Variants in GRIN2C observed in about 807,000 individuals in gnomAD.
The protein encoded by GRIN2C is glutamate receptor ionotropic, NMDA 2C.
A neutral mutation model predicts 77.7 loss-of-function variants in GRIN2C; 64 were observed. The ratio of observed to expected loss-of-function variants is 0.82; its 90% confidence interval spans 0.67 to 1.01. The LOEUF (loss-of-function observed/expected upper bound fraction) is 1.01. Among genes scored for constraint, GRIN2C ranks in the 50% least tolerant of loss-of-function variants. The pLI is 0.00. For missense variants in GRIN2C, 1,549 were observed against 1,486.0 expected, an observed-to-expected ratio of 1.04 and a Z score of -0.70; for synonymous variants, 792 against 643.4, an observed-to-expected ratio of 1.23 and a Z score of -3.49.
intron 12 of GRIN2C, 90 bp from the exon 13 acceptor site, chr17:74,843,643 A>G: frequency 6.8e-7 from 1 of 1,470,456 alleles, no homozygotes; most frequent in Non-Finnish European, 9.1e-7. Context: ...AGGCATCATC[A>G]GTCTTCTATA....
rs1349786294 is a variant in GRIN2C at position 74,851,672 on chromosome 17, A to G, written c.1018T>C (p.Trp340Arg). Reference sequence around the variant, plus strand: ...CTGAAGGAGAAGTCTCGGCCCTCCCAGGTGACATTCAGTAGGTGCCTGCCA... The same window carrying G: ...CTGAAGGAGAAGTCTCGGCCCTCCCGGGTGACATTCAGTAGGTGCCTGCCA... ...AFYRHLLNVTWEGRDFSFSPG... is the reference protein window; with the variant it reads ...AFYRHLLNVTREGRDFSFSPG... The change falls in exon 4 of 13, where the codon TGG becomes CGG. Residue 340 changes from tryptophan to arginine, a missense_variant. Around this residue, in one of 3 missense-constraint regions of GRIN2C, gnomAD observed 717 missense variants for 858.1 expected, o/e 0.84. Coordinates refer to ENST00000293190, the MANE Select transcript of GRIN2C (RefSeq NM_000835.6). 5 of 1,568,102 alleles carry G rather than the reference A, an allele frequency of 3.2e-6. No homozygotes were observed. The highest frequency in any genetic ancestry group is 2.4e-5 in the East Asian group (1 of 42,450).
intron 1 of GRIN2C, 146 bp from the exon 2 acceptor site, chr17:74,855,253 G>A (rs2037789534): frequency 1.6e-6 from 1 of 622,692 alleles, no homozygotes; most frequent in Non-Finnish European, 2.7e-6. Flanking sequence ...GGCGGAGAGA[G>A]AGGGAGACAG....
chr17:74,858,564 C>G (rs1422916892), intron 1 of GRIN2C, among the ~76,000 whole-genome samples: 2 of 151,262 alleles, frequency 1.3e-5, no homozygotes, highest in Non-Finnish European at 3.0e-5. Flanking sequence ...GGGACAAACT[C>G]CACTTTCCCC....
chr17:74,858,561 ACT>A (rs2037877444), intron 1 of GRIN2C, among the ~76,000 whole-genome samples: 1 of 146,912 alleles, frequency 6.8e-6, no homozygotes, highest in African/African-American at 2.5e-5. Context: ...GGAGGGACAA[ACT>A]CCACTTTCCC....
Position 74,852,329 on chromosome 17 carries a change from A to G in GRIN2C, c.682T>C (p.Cys228Arg). The G allele has an allele frequency of 6.9e-7, 1 of 1,457,380 alleles. No individual in the cohort carries two copies. The highest frequency in any genetic ancestry group is 1.3e-5 in the South Asian group (1 of 74,876). The allele number at this position is 1,457,380 out of a possible 1,614,324, so 90.3% of individuals were successfully genotyped here. The change falls in exon 3 of 13, where the codon TGC becomes CGC. Residue 228 changes from cysteine (C) to arginine (R), a missense_variant. Cys to Arg is a radical substitution (Grantham distance 180, BLOSUM62 -3). Transcript: ENST00000293190. ...AGCACCTCGGCCTCCTCGCGCGAGC[A>G]GTAGGCCACAAACACGGGCGCGTCG... is the stretch of plus-strand genomic sequence containing the variant. The part of the protein sequence containing the change: ...QLDAPVFVAY[C>R]SREEAEVLFA...
In GRIN2C at chr17:74,849,135, T is replaced by C. The variant is rs2037552136; in HGVS notation, c.1645+645A>G. Among the ~76,000 whole-genome samples, 1 of 142,000 alleles carries C rather than the reference T, an allele frequency of 7.0e-6. No individual in the cohort carries two copies. Among genetic ancestry groups the C allele is most frequent in the Admixed American group, 6.9e-5 (1 of 14,554 alleles). 93.2% of individuals were successfully genotyped at this position (142,000 alleles called of 152,430 possible). A position where few individuals can be genotyped will look rare whatever the true frequency, so the allele number is the denominator to read the frequency against. On this transcript the variant is annotated intron_variant, in intron 7 of 12. Transcript: ENST00000293190. The surrounding 1 kb of genome is among the most constrained non-coding windows in gnomAD (Gnocchi z 4.6). ...CTATGAAGTGGTTTTTTTTTTCCTCTCTTCCGTGGCTGAGGAGCCTGCTCA... is the reference window on the plus strand; with the variant it reads ...CTATGAAGTGGTTTTTTTTTTCCTCCCTTCCGTGGCTGAGGAGCCTGCTCA...
rs1040443380 is a variant in GRIN2C, at chr17:74,843,322, G to A, written c.2815C>T (p.Arg939Trp). The change falls in exon 13 of 13, where the codon CGG becomes TGG. Residue 939 changes from arginine to tryptophan, a missense_variant. Around this residue, in one of 3 missense-constraint regions of GRIN2C, gnomAD observed 450 missense variants for 267.9 expected, o/e 1.68. Coordinates refer to ENST00000293190, the MANE Select transcript of GRIN2C (RefSeq NM_000835.6). ...GGCAGGCATGGGCTGGGGCCAGACC[G>A]CGGGGTCGGGCAGGGGGACGGTGGG... Reference protein sequence around the residue: ...APPPSPCPTPRSGPSPCLPTP... With the variant: ...APPPSPCPTPWSGPSPCLPTP... The A allele has an allele frequency of 5.8e-5, 84 of 1,450,474 alleles. 1 individual carries two copies. In the Middle Eastern group the frequency reaches 7.1e-4, roughly 12 times the overall value. The allele number at this position is 1,450,474 out of a possible 1,614,324, so 89.9% of individuals were successfully genotyped here. A position where few individuals can be genotyped will look rare whatever the true frequency, so the allele number is the denominator to read the frequency against.
chr17:74,846,694 A>C lies in GRIN2C; in HGVS notation c.2162+66T>G. The C allele has an allele frequency of 2.6e-6, 4 of 1,509,644 alleles. No homozygotes were observed. The highest frequency in any genetic ancestry group is 3.6e-6 in the Non-Finnish European group (4 of 1,100,916). The allele number at this position is 1,509,644 out of a possible 1,614,324, so 93.5% of individuals were successfully genotyped here. ...GCCCAGTCCCACTGTCCCCACATTG[A>C]GAGCTAAGGCTGGTCACTGGGGAGA... On this transcript the variant is annotated intron_variant, in intron 10 of 12. Transcript: ENST00000293190. The surrounding 1 kb of genome is among the most constrained non-coding windows in gnomAD (Gnocchi z 4.4).
rs1217486987 is a variant in GRIN2C at position 74,843,266 on chromosome 17, G to A, written c.2871C>T (p.Pro957=). The A allele has an allele frequency of 3.4e-6, 3 of 883,698 alleles. No homozygotes were observed. Among genetic ancestry groups the A allele is most frequent in the Admixed American group, 4.1e-5 (1 of 24,488 alleles). The allele number at this position is 883,698 out of a possible 1,614,324, so 54.7% of individuals were successfully genotyped here. A position where few individuals can be genotyped will look rare whatever the true frequency, so the allele number is the denominator to read the frequency against. The change falls in exon 13 of 13, where the codon CCC becomes CCT. Residue 957 remains proline, a synonymous_variant. Coordinates refer to ENST00000293190, the MANE Select transcript of GRIN2C (RefSeq NM_000835.6). The stretch of plus-strand genomic sequence containing the variant: ...CCCCGTCTGGCGGTCCCCAGCCCGT[G>A]GGGCTCGGCTCTGGGGGCGGGTCGG... ...PTPDPPPEPS[P]TGWGPPDGGR... is the part of the protein sequence containing the mutation.
intron 1 of GRIN2C, among the ~76,000 whole-genome samples, chr17:74,856,481 C>CATT (rs1555516152): frequency 7.4e-6 from 1 of 135,266 alleles, no homozygotes; most frequent in African/African-American, 2.8e-5. Context: ...CTCTCTCTCT[C>CATT]TTTTTTTTTT....
rs2144566515 is a variant in GRIN2C at position 74,847,372 on chromosome 17, T to C, written c.1937A>G (p.Asn646Ser). 6.3e-7 allele frequency: 1 copy of C among 1,589,634 alleles called. No individual in the cohort carries two copies. Among genetic ancestry groups the C allele is most frequent in the African/African-American group, 1.4e-5 (1 of 72,966 alleles). The change falls in exon 9 of 13, where the codon AAC becomes AGC. Residue 646 changes from asparagine (N) to serine (S), a missense_variant. By Grantham distance (46) the Asn-to-Ser change is conservative. This residue lies in a region of GRIN2C where 717 missense variants were observed against 858.1 expected (regional missense o/e 0.84). Transcript: ENST00000293190. The surrounding 1 kb of genome is among the most constrained non-coding windows in gnomAD (Gnocchi z 5.2). ...CTCTTGGATCATGAAGGCGGCCAGG[T>C]TGGCCGTGTAGCTGGCGAGGAAGAT... ...AVIFLASYTA[N>S]LAAFMIQEQY...
chr17:74,858,850 G>C (rs570207368), intron 1 of GRIN2C, among the ~76,000 whole-genome samples: 1 of 151,912 alleles, frequency 6.6e-6, no homozygotes, highest in African/African-American at 2.4e-5. Flanking sequence ...TCCAGGCCTC[G>C]TTCCAGCATC....
Position 74,850,223 on chromosome 17 carries a change from T to C in GRIN2C, c.1474A>G (p.Asn492Asp), listed in dbSNP as rs768642858. 4 of 1,613,368 alleles carry C rather than the reference T, an allele frequency of 2.5e-6. No individual in the cohort carries two copies. In the South Asian group the frequency reaches 4.4e-5, roughly 18 times the overall value. ...GGGCCTACCTCCCCAATCATGCCGT[T>C]CCATACGCCGCGCACCCGCTTGCCA... ...KHGKRVRGVW[N>D]GMIGEVYYKR... The change falls in exon 6 of 13, where the codon AAC (asparagine) becomes GAC (aspartate). Residue 492 changes from asparagine (N) to aspartate (D), a missense_variant. By Grantham distance (23) the Asn-to-Asp change is conservative. Around this residue, in one of 3 missense-constraint regions of GRIN2C, gnomAD observed 717 missense variants for 858.1 expected, o/e 0.84. Transcript: ENST00000293190. The surrounding 1 kb of genome is among the most constrained non-coding windows in gnomAD (Gnocchi z 5.3).
At position 74,849,862 on chromosome 17, in the gene GRIN2C, G is replaced by T; in HGVS notation, c.1563C>A (p.Asp521Glu). 1 of 1,613,634 alleles carries T rather than the reference G, an allele frequency of 6.2e-7. No homozygotes were observed. Among genetic ancestry groups the T allele is most frequent in the Non-Finnish European group, 8.5e-7 (1 of 1,179,824 alleles). The change falls in exon 7 of 13, where the codon GAC (aspartate) becomes GAA (glutamate). Residue 521 changes from aspartate (D) to glutamate (E), a missense_variant. Physicochemically the swap from Asp to Glu is conservative, Grantham distance 45 (BLOSUM62 2). Around this residue, in one of 3 missense-constraint regions of GRIN2C, gnomAD observed 717 missense variants for 858.1 expected, o/e 0.84. Coordinates refer to ENST00000293190, the MANE Select transcript of GRIN2C (RefSeq NM_000835.6). This position sits in a 1 kb window ranked among gnomAD's most constrained non-coding sequence, Gnocchi z 4.6. ...CCGTCTCCACAAAGGGTACAGAGAA[G>T]TCTACGATCTCGGAGCGTTCCTCAT... is the stretch of plus-strand genomic sequence containing the variant. ...TINEERSEIV[D>E]FSVPFVETGI... is the part of the protein sequence containing the mutation.
At chr17:74,844,186 T>C in intron 12 of GRIN2C, 90 bp downstream of exon 12, 1 of 1,558,332 alleles carries the variant, frequency 6.4e-7, no homozygotes, top group South Asian at 1.2e-5. Flanking sequence ...ACCTTGGTTT[T>C]ACCTCTGGAA....
At position 74,850,803 on chromosome 17, in the gene GRIN2C, G is replaced by A. The variant is rs776298155; in HGVS notation, c.1114-36C>T. The A allele has an allele frequency of 2.0e-5, 30 of 1,531,896 alleles. No homozygotes were observed. The Admixed American group carries it at 2.5e-4, about 13-fold the overall frequency. The allele number at this position is 1,531,896 out of a possible 1,614,324, so 94.9% of individuals were successfully genotyped here. The stretch of plus-strand genomic sequence containing the variant: ...TGACAGCCTCAGCCTGGGGCCTCCA[G>A]CCCTACAGCCCCCACCCTCTAGGTG... On this transcript the variant is annotated intron_variant, in intron 4 of 12. Transcript: ENST00000293190. The surrounding 1 kb of genome is among the most constrained non-coding windows in gnomAD (Gnocchi z 5.3).
rs779236320 is a variant in GRIN2C at position 74,847,275 on chromosome 17, C to A, written c.2001+33G>T. On this transcript the variant is annotated intron_variant, in intron 9 of 12. Coordinates refer to ENST00000293190, the MANE Select transcript of GRIN2C (RefSeq NM_000835.6). The surrounding 1 kb of genome is among the most constrained non-coding windows in gnomAD (Gnocchi z 5.2). ...ACGGCCTGTCCCCACCCTCAGTGCC[C>A]CCCCCCACCCCCAGCAGCTATGGCC... 1.1e-6 allele frequency: 1 copy of A among 928,328 alleles called. No individual in the cohort carries two copies. Among genetic ancestry groups the A allele is most frequent in the Non-Finnish European group, 1.7e-6 (1 of 573,418 alleles). The allele number at this position is 928,328 out of a possible 1,614,324, so 57.5% of individuals were successfully genotyped here. A position where few individuals can be genotyped will look rare whatever the true frequency, so the allele number is the denominator to read the frequency against.
chr17:74,859,084 G>A lies in GRIN2C; in HGVS notation c.-16+660C>T, dbSNP rs2037891065. 6.6e-6 allele frequency among the ~76,000 whole-genome samples: 1 copy of A among 152,172 alleles called. No homozygotes were observed. The highest frequency in any genetic ancestry group is 2.4e-5 in the African/African-American group (1 of 41,446). ...ACCCCTCCATTCTGCCCTGCGGCAG[G>A]TGTGTGTGCACTCATTAACACCCTG... On this transcript the variant is annotated intron_variant, in intron 1 of 12. Coordinates refer to ENST00000293190, the MANE Select transcript of GRIN2C (RefSeq NM_000835.6). The surrounding 1 kb of genome is among the most constrained non-coding windows in gnomAD (Gnocchi z 5.9).
chr17:74,849,895 G>A lies in GRIN2C; in HGVS notation c.1530C>T (p.Leu510=), dbSNP rs574312015. The part of the protein sequence containing the change: ...YKRADMAIGS[L]TINEERSEIV... ...TCTCGGAGCGTTCCTCATTGATGGTGAGGGAGCCGATGGCCATGTCTGCCC... is the reference window on the plus strand; with the variant it reads ...TCTCGGAGCGTTCCTCATTGATGGTAAGGGAGCCGATGGCCATGTCTGCCC... The change falls in exon 7 of 13, where the codon CTC becomes CTT. Residue 510 remains leucine (L), a synonymous_variant. Coordinates refer to ENST00000293190, the MANE Select transcript of GRIN2C (RefSeq NM_000835.6). The surrounding 1 kb of genome is among the most constrained non-coding windows in gnomAD (Gnocchi z 4.6). 9.3e-6 allele frequency: 15 copies of A among 1,613,704 alleles called. No individual in the cohort carries two copies. In the East Asian group the frequency reaches 2.0e-4, roughly 22 times the overall value.
Sources: allele counts gnomAD v4.1 joint callset (sites outside exome capture counted in the v4.1 genomes callset), GRCh38; gene constraint gnomAD v4.1.1; regional missense constraint gnomAD v4.1.1; non-coding constraint Gnocchi (gnomAD v3.1); transcripts MANE v1.5; gene names NCBI Gene and HGNC (gene_info 2026-07-23, HGNC 2026-07-21).